Variants in SLC9B1 observed in about 807,000 individuals in gnomAD.
SLC9B1 encodes the protein solute carrier family 9 member B1, also known as sodium/hydrogen exchanger 9B1.
SLC9B1 carries 32 observed loss-of-function variants against 51.7 expected under a neutral mutation model. The observed-to-expected ratio is 0.62, with a 90% confidence interval of 0.47 to 0.83. SLC9B1 has a LOEUF of 0.83. Ranked by LOEUF, SLC9B1 falls within the 40% of genes least tolerant of loss-of-function variation. The pLI, the probability that SLC9B1 is intolerant of heterozygous loss-of-function variation, is 0.00. For synonymous variants in SLC9B1, 145 were observed against 212.7 expected, an observed-to-expected ratio of 0.68 and a Z score of 2.77; for missense variants, 406 against 613.2, an observed-to-expected ratio of 0.66 and a Z score of 3.57.
chr4:102,934,583 G>A (rs1736622532), intron 6 of SLC9B1, among the ~76,000 whole-genome samples: 1 of 152,078 alleles, frequency 6.6e-6, no homozygotes, highest in Non-Finnish European at 1.5e-5. Flanking sequence ...CAGATCAGGA[G>A]TTTGAGACCA....
Position 102,949,360 on chromosome 4 carries a change from T to C in SLC9B1, c.279A>G (p.Gly93=). The change falls in exon 4 of 12, where the codon GGA becomes GGG. Residue 93 remains glycine (G), a synonymous_variant. Transcript: ENST00000296422. The part of the protein sequence containing the change: ...SILGSEALPG[G]NLFGLFIIFY... ...AAATAATGAACAACCCAAATAAATT[T>C]CCACCAGGGAGAGCTTCAGAGCCTA... 1 of 1,610,762 alleles carries C rather than the reference T, an allele frequency of 6.2e-7. No homozygotes were observed. The highest frequency in any genetic ancestry group is 8.5e-7 in the Non-Finnish European group (1 of 1,179,372).
At chr4:102,926,648 A>G (rs1736194599) in intron 7 of SLC9B1, among the ~76,000 whole-genome samples, 1 of 152,240 alleles carries the variant, frequency 6.6e-6, no homozygotes, top group African/African-American at 2.4e-5. Flanking sequence ...GGAAGAATCA[A>G]TATCATGGAA....
At chr4:102,938,484 A>AG (rs1388156684) in intron 6 of SLC9B1, among the ~76,000 whole-genome samples, 1 of 152,188 alleles carries the variant, frequency 6.6e-6, no homozygotes, top group Non-Finnish European at 1.5e-5. Flanking sequence ...AAATGAACAA[A>AG]GATATTCAGG....
At chr4:102,961,314 G>T (rs565587410) in intron 3 of SLC9B1, among the ~76,000 whole-genome samples, 1 of 152,400 alleles carries the variant, frequency 6.6e-6, no homozygotes, top group East Asian at 1.9e-4. Context: ...CAATTATTAT[G>T]TAAGTATCTT....
chr4:103,004,853 G>A (rs1740698670), intron 1 of SLC9B1, among the ~76,000 whole-genome samples: 1 of 152,120 alleles, frequency 6.6e-6, no homozygotes, highest in Non-Finnish European at 1.5e-5. Flanking sequence ...ATAAGCAGAG[G>A]AGAAATAAGA....
chr4:102,893,641 A>G (rs1043301186), intron 11 of SLC9B1, among the ~76,000 whole-genome samples: 1 of 152,132 alleles, frequency 6.6e-6, no homozygotes, highest in African/African-American at 2.4e-5. Context: ...ACAAAACTGT[A>G]GGCCAGGTGC....
intron 9 of SLC9B1, among the ~76,000 whole-genome samples, chr4:102,908,389 GAT>G (rs1182194742): frequency 5.8e-5 from 2 of 34,286 alleles, no homozygotes; most frequent in Non-Finnish European, 6.3e-5. Flanking sequence ...TGTGTGTATA[GAT>G]ATATATATAT....
chr4:102,994,180 G>A (rs192586876), intron 1 of SLC9B1, among the ~76,000 whole-genome samples: 32 of 152,186 alleles, frequency 2.1e-4, no homozygotes, highest in South Asian at 6.2e-4. Context: ...TCATCAGGCT[G>A]CAATTTTTCC....
intron 7 of SLC9B1, among the ~76,000 whole-genome samples, chr4:102,923,215 C>T (rs1374006775): frequency 1.3e-5 from 2 of 152,104 alleles, no homozygotes; most frequent in South Asian, 2.1e-4. Context: ...TTATCCACCA[C>T]GATCAAGTTG....
chr4:102,946,330 A>G (rs1015396580), intron 5 of SLC9B1, among the ~76,000 whole-genome samples: 2 of 151,520 alleles, frequency 1.3e-5, no homozygotes, highest in African/African-American at 4.9e-5. Context: ...TTGTTTTTTG[A>G]GACGGAGTCT....
At chr4:102,918,759 T>C (rs1246683497) in intron 7 of SLC9B1, among the ~76,000 whole-genome samples, 1 of 152,252 alleles carries the variant, frequency 6.6e-6, no homozygotes, top group Non-Finnish European at 1.5e-5. Context: ...GAGTCTGTTG[T>C]AGCCTAAATC....
chr4:102,939,778 A>G (rs1289451363), intron 6 of SLC9B1, among the ~76,000 whole-genome samples: 1 of 152,152 alleles, frequency 6.6e-6, no homozygotes, highest in Non-Finnish European at 1.5e-5. Context: ...GTGATTCATC[A>G]TATAATAGAA....
At chr4:103,015,528 T>A (rs1027008530) in intron 1 of SLC9B1, among the ~76,000 whole-genome samples, 54 of 152,272 alleles carry the variant, frequency 3.5e-4, no homozygotes, top group Admixed American at 6.5e-4. Flanking sequence ...CCTATTGTCT[T>A]TTTCTTTCAC....
chr4:102,956,328 AAAG>A (rs977956250), intron 3 of SLC9B1, among the ~76,000 whole-genome samples: 1 of 152,070 alleles, frequency 6.6e-6, no homozygotes, highest in Non-Finnish European at 1.5e-5. Flanking sequence ...AAAAAAAAAA[AAAG>A]ACTGATCCTG....
At chr4:102,917,427 A>ATATATC (rs1246347443) in intron 7 of SLC9B1, among the ~76,000 whole-genome samples, 14 of 133,770 alleles carry the variant, frequency 1.0e-4, no homozygotes, top group Non-Finnish European at 2.0e-4. Flanking sequence ...TTTTATATGC[A>ATATATC]TGTATCTATA....
chr4:102,954,588 A>G (rs571094154), intron 3 of SLC9B1, among the ~76,000 whole-genome samples: 1 of 152,296 alleles, frequency 6.6e-6, no homozygotes, highest in South Asian at 2.1e-4. Flanking sequence ...AAGTACAGAG[A>G]TAAAGAAATC....
chr4:103,007,365 T>C (rs1268608908), intron 1 of SLC9B1, among the ~76,000 whole-genome samples: 9 of 152,020 alleles, frequency 5.9e-5, no homozygotes, highest in Non-Finnish European at 1.3e-4. Flanking sequence ...CAAGATTCCA[T>C]ATACAACAGC....
At chr4:102,941,961 T>C (rs1737025837) in intron 6 of SLC9B1, among the ~76,000 whole-genome samples, 1 of 152,124 alleles carries the variant, frequency 6.6e-6, no homozygotes, top group Non-Finnish European at 1.5e-5. Flanking sequence ...CAGTAACGTT[T>C]CAGGATACAA....
At chr4:102,989,226 C>T (rs1348589206) in intron 3 of SLC9B1, among the ~76,000 whole-genome samples, 1 of 151,910 alleles carries the variant, frequency 6.6e-6, no homozygotes, top group Non-Finnish European at 1.5e-5. Flanking sequence ...ATTTTTTGTT[C>T]TCTATAGGGA....
Sources: gnomAD v4.1 joint callset for allele counts (sites outside exome capture counted in the v4.1 genomes callset) on GRCh38, gnomAD v4.1.1 for gene constraint, MANE v1.5 for transcripts, NCBI Gene and HGNC (gene_info 2026-07-23, HGNC 2026-07-21) for gene names.